Variants in SANBR observed in about 807,000 individuals in gnomAD.
SANBR encodes the protein SANT and BTB domain regulator of CSR, also known as SANT and BTB domain regulator of class switch recombination.
Under a neutral mutation model 101.8 loss-of-function variants are expected in SANBR, and 77 were observed. The observed-to-expected ratio is 0.76, with a 90% CI of 0.63 to 0.91. The LOEUF is 0.91. Among genes scored for constraint, SANBR ranks in the 40% least tolerant of loss-of-function variants. The pLI, the probability that SANBR is intolerant of heterozygous loss-of-function variation, is 0.00. For synonymous variants in SANBR, 279 were observed against 274.7 expected, an observed-to-expected ratio of 1.02 and a Z score of -0.15; for missense variants, 875 against 853.0, an observed-to-expected ratio of 1.03 and a Z score of -0.32.
intron 4 of SANBR, among the ~76,000 whole-genome samples, chr2:61,072,079 A>G (rs935418936): frequency 1.3e-5 from 2 of 151,940 alleles, no homozygotes; most frequent in Non-Finnish European, 2.9e-5. Flanking sequence ...CTGGGACTAG[A>G]GACGTGCACC....
chr2:61,096,531 C>A (rs1190135807), intron 11 of SANBR, among the ~76,000 whole-genome samples: 3 of 152,188 alleles, frequency 2.0e-5, no homozygotes, highest in African/African-American at 7.2e-5. Context: ...GCAAGCAGCA[C>A]CTGTGTCCAC....
chr2:61,129,662 C>T (rs10187167), intron 20 of SANBR, among the ~76,000 whole-genome samples: 3,043 of 151,948 alleles, frequency 0.02, 116 homozygotes, highest in African/African-American at 0.069. Context: ...GGGAGCAAAG[C>T]TATATTGGAC....
At chr2:61,080,701 C>A (rs1453156371) in intron 6 of SANBR, among the ~76,000 whole-genome samples, 1 of 150,790 alleles carries the variant, frequency 6.6e-6, no homozygotes, top group Non-Finnish European at 1.5e-5. Flanking sequence ...AGCCTGGCAA[C>A]AGAGTGAGAC....
intron 4 of SANBR, 135 bp from the exon 5 acceptor site, chr2:61,073,323 C>T: frequency 2.2e-6 from 1 of 445,082 alleles, no homozygotes; most frequent in Non-Finnish European, 4.1e-6. Context: ...AAAATGCCAC[C>T]CTGATAAGTA....
intron 21 of SANBR, 148 bp from the exon 22 acceptor site, chr2:61,121,978 C>T (rs893661129): frequency 5.9e-6 from 6 of 1,020,080 alleles, no homozygotes; most frequent in Admixed American, 2.9e-5. Flanking sequence ...AAATACATCT[C>T]CTGTTAAGAG....
At chr2:61,096,056 T>C (rs905579359) in intron 11 of SANBR, among the ~76,000 whole-genome samples, 1 of 152,092 alleles carries the variant, frequency 6.6e-6, no homozygotes, top group African/African-American at 2.4e-5. Context: ...TCCAGTCCCC[T>C]GGCATGGTAT....
At chr2:61,125,001 C>T (rs528584030), downstream of SANBR, among the ~76,000 whole-genome samples, 8 of 152,210 alleles carry the variant, frequency 5.3e-5, no homozygotes, top group African/African-American at 1.9e-4. Context: ...ATTCTGCAGC[C>T]AACCTTCAGC....
At chr2:61,117,646 A>G in intron 19 of SANBR, 106 bp downstream of exon 19, 2 of 1,003,362 alleles carry the variant, frequency 2.0e-6, no homozygotes, top group South Asian at 2.9e-5. Flanking sequence ...TTTCTAGCTA[A>G]AGTAAGGCCC....
intron 11 of SANBR, among the ~76,000 whole-genome samples, chr2:61,096,259 G>A (rs542946478): frequency 3.1e-4 from 47 of 152,194 alleles, no homozygotes; most frequent in African/African-American, 1.1e-3. Context: ...AGGCCCAAAA[G>A]TCTTGTCCCC....
chr2:61,097,986 C>T (rs1683109204), intron 12 of SANBR, 134 bp downstream of exon 12: 1 of 590,664 alleles, frequency 1.7e-6, no homozygotes, highest in Non-Finnish European at 2.7e-6. Context: ...CCCCATTTTC[C>T]ATCTCTTCTT....
At position 61,122,588 on chromosome 2, in the gene SANBR, G is replaced by A; in HGVS notation, c.*426G>A. 2 of 988,916 alleles carry A rather than the reference G, an allele frequency of 2.0e-6. No individual in the cohort carries two copies. Among genetic ancestry groups the A allele is most frequent in the Non-Finnish European group, 2.4e-6 (2 of 832,196 alleles). 61.3% of individuals were successfully genotyped at this position (988,916 alleles called of 1,614,324 possible). A position where few individuals can be genotyped will look rare whatever the true frequency, so the allele number is the denominator to read the frequency against. On this transcript the variant is annotated 3_prime_UTR_variant, in exon 22 of 22. Transcript: ENST00000402291. Reference sequence around the variant, plus strand: ...CTTTGGAGCTGTAAATCTTGAGATAGCATTGAGAACTGCAGGTTGTGTGAC... The same window carrying A: ...CTTTGGAGCTGTAAATCTTGAGATAACATTGAGAACTGCAGGTTGTGTGAC...
In SANBR at chr2:61,124,244, C is replaced by T; in HGVS notation, c.*2082C>T. The T allele has an allele frequency of 1.0e-6, 1 of 966,472 alleles. No homozygotes were observed. The highest frequency in any genetic ancestry group is 1.2e-6 in the Non-Finnish European group (1 of 812,574). The allele number at this position is 966,472 out of a possible 1,614,324, so 59.9% of individuals were successfully genotyped here. A position where few individuals can be genotyped will look rare whatever the true frequency, so the allele number is the denominator to read the frequency against. The stretch of plus-strand genomic sequence containing the variant: ...TTTCACCTTACATTAATCCTGGATT[C>T]ACATTTCTTTAATTGAAATAAATGT... On this transcript the variant is annotated 3_prime_UTR_variant, in exon 22 of 22. Coordinates refer to ENST00000402291, the MANE Select transcript of SANBR (RefSeq NM_001129993.3).
intron 21 of SANBR, among the ~76,000 whole-genome samples, chr2:61,135,983 T>C (rs1415701429): frequency 6.6e-5 from 10 of 151,872 alleles, no homozygotes; most frequent in South Asian, 2.1e-4. Flanking sequence ...GTTCTGAAAA[T>C]TGAGAAAGGA....
At chr2:61,112,165 T>A (rs994627839) in intron 16 of SANBR, among the ~76,000 whole-genome samples, 3 of 152,216 alleles carry the variant, frequency 2.0e-5, no homozygotes, top group Non-Finnish European at 4.4e-5. Context: ...CTACAAGCAG[T>A]GGAGCAGTCC....
At position 61,097,691 on chromosome 2, in the gene SANBR, C is replaced by T; in HGVS notation, c.1213-9C>T. 5 of 1,575,366 alleles carry T rather than the reference C, an allele frequency of 3.2e-6. No homozygotes were observed. The highest frequency in any genetic ancestry group is 4.3e-6 in the Non-Finnish European group (5 of 1,154,324). ...AAATAGTAGTTGATTTTATCTATGTCTTTATCAGGCCTTTCTCTGTATTGA... is the reference window on the plus strand; with the variant it reads ...AAATAGTAGTTGATTTTATCTATGTTTTTATCAGGCCTTTCTCTGTATTGA... On this transcript the variant is annotated splice_polypyrimidine_tract_variant and intron_variant, in intron 11 of 21. Transcript: ENST00000402291.
At chr2:61,117,984 A>G (rs746701928) in intron 19 of SANBR, 44 bp from the exon 20 acceptor site, 6 of 1,432,004 alleles carry the variant, frequency 4.2e-6, no homozygotes, top group Non-Finnish European at 4.9e-6. Context: ...AAAGTTATAT[A>G]TCATCCTTAT....
chr2:61,099,525 C>T (rs1378428308), intron 12 of SANBR, among the ~76,000 whole-genome samples: 18 of 152,146 alleles, frequency 1.2e-4, no homozygotes. Flanking sequence ...TCGAGGGAGA[C>T]TCGTGAGTTC....
chr2:61,136,988 C>CGAT (rs1559164143), intron 21 of SANBR, among the ~76,000 whole-genome samples: 2 of 151,252 alleles, frequency 1.3e-5, no homozygotes, highest in African/African-American at 4.9e-5. Flanking sequence ...ACAACAACAA[C>CGAT]AACGATAATA....
intron 10 of SANBR, among the ~76,000 whole-genome samples, chr2:61,091,193 C>G (rs1559102156): frequency 6.6e-6 from 1 of 152,084 alleles, no homozygotes; most frequent in Non-Finnish European, 1.5e-5. Flanking sequence ...CCTATAATCC[C>G]AGCAGTTTGG....
Sources: allele counts gnomAD v4.1 joint callset (sites outside exome capture counted in the v4.1 genomes callset), GRCh38; gene constraint gnomAD v4.1.1; transcripts MANE v1.5; gene names NCBI Gene and HGNC (gene_info 2026-07-23, HGNC 2026-07-21).